The following GALNT14 variants were observed in gnomAD, a reference collection of about 807,000 sequenced individuals.
GALNT14 encodes UDP-GalNAc:polypeptide N-acetylgalactosaminyltransferase 14.
GALNT14 carries 60 observed loss-of-function variants against 77.5 expected under a neutral mutation model. The observed-to-expected ratio is 0.77, with a 90% CI of 0.63 to 0.96. GALNT14 has a LOEUF of 0.96. GALNT14 is among the 40% of genes least tolerant of loss of function. GALNT14 has a pLI of 0.00. For synonymous variants in GALNT14, 280 were observed against 281.7 expected (o/e 0.99, Z 0.06); for missense variants, 710 against 731.0 (o/e 0.97, Z 0.33).
rs112642898 is a variant in GALNT14 at position 31,053,373 on chromosome 2, G to A, written c.130-60366C>T. Among the ~76,000 whole-genome samples the A allele has an allele frequency of 6.6e-3, 1,010 of 152,148 alleles. 12 individuals are homozygous for A. Among genetic ancestry groups the A allele is most frequent in the African/African-American group, 0.022 (928 of 41,504 alleles). On this transcript the variant is annotated intron_variant, in intron 1 of 14. Transcript: ENST00000349752. Reference sequence around the variant, plus strand: ...TGCACTTACAGGTGCCAACTCACCCGCTAGCACCTGCAGCTGGGTGAACAC... The same window carrying A: ...TGCACTTACAGGTGCCAACTCACCCACTAGCACCTGCAGCTGGGTGAACAC...
At chr2:30,940,507 T>C (rs1344591403) in intron 9 of GALNT14, among the ~76,000 whole-genome samples, 3 of 152,316 alleles carry the variant, frequency 2.0e-5, no homozygotes, top group Middle Eastern at 3.4e-3. Flanking sequence ...CAACAGAATA[T>C]GCCAAACTGT....
the GALNT14 span, among the ~76,000 whole-genome samples, chr2:30,896,189 C>T: frequency 6.6e-6 from 1 of 152,346 alleles, no homozygotes; most frequent in African/African-American, 2.4e-5. Flanking sequence ...CCCTACCTAA[C>T]AAATGACCCA....
chr2:31,138,133 C>T lies in GALNT14; in HGVS notation c.-47G>A, dbSNP rs776964269. The T allele has an allele frequency of 6.7e-5, 107 of 1,606,130 alleles. No homozygotes were observed. Among genetic ancestry groups the T allele is most frequent in the Non-Finnish European group, 8.8e-5 (103 of 1,174,834 alleles). ...TCCGCGGCGCTACGTCCCGGGGGCA[C>T]CCCCCGGCGGTCAGGGTTGGCGGGG... On this transcript the variant is annotated 5_prime_UTR_variant, in exon 1 of 15. The change creates a new upstream start codon in the 5' untranslated region. Coordinates refer to ENST00000349752, the MANE Select transcript of GALNT14 (RefSeq NM_024572.4).
intron 1 of GALNT14, among the ~76,000 whole-genome samples, chr2:31,083,496 G>A (rs1420696444): frequency 6.6e-6 from 1 of 152,180 alleles, no homozygotes; most frequent in Non-Finnish European, 1.5e-5. Context: ...AGAGGAGGAG[G>A]GTGAGGAAGC....
At chr2:30,966,747 A>G (rs1668034646) in intron 2 of GALNT14, among the ~76,000 whole-genome samples, 1 of 152,134 alleles carries the variant, frequency 6.6e-6, no homozygotes, top group African/African-American at 2.4e-5. Flanking sequence ...CTGGGCTAAC[A>G]GCTTCAGGCT....
intron 1 of GALNT14, among the ~76,000 whole-genome samples, chr2:31,033,885 GA>G (rs1672559297): frequency 6.6e-6 from 1 of 152,170 alleles, no homozygotes; most frequent in Non-Finnish European, 1.5e-5. Context: ...GTCAGAAACT[GA>G]ACTCATGATG....
chr2:31,026,386 G>A (rs768468788), intron 1 of GALNT14, among the ~76,000 whole-genome samples: 85 of 152,308 alleles, frequency 5.6e-4, no homozygotes, highest in Non-Finnish European at 9.1e-4. Context: ...ATTACTTTCT[G>A]TCTCCCTTAC....
chr2:31,096,749 C>T (rs1204528346), intron 1 of GALNT14, among the ~76,000 whole-genome samples: 1 of 152,084 alleles, frequency 6.6e-6, no homozygotes, highest in African/African-American at 2.4e-5. Context: ...TAAATGAAAA[C>T]CTTTTCTGAA....
intron 4 of GALNT14, among the ~76,000 whole-genome samples, 191 bp downstream of exon 4, chr2:30,958,206 G>A (rs982664714): frequency 1.3e-4 from 20 of 152,066 alleles, no homozygotes; most frequent in Admixed American, 3.3e-4. Flanking sequence ...CAGAGAACCC[G>A]AGAAATTGTT....
At chr2:30,995,813 G>A (rs1669996904) in intron 1 of GALNT14, among the ~76,000 whole-genome samples, 2 of 152,080 alleles carry the variant, frequency 1.3e-5, no homozygotes, top group Admixed American at 1.3e-4. Context: ...AGTACTATAT[G>A]ATCTTTTATA....
At position 30,910,599 on chromosome 2, in the gene GALNT14, GA is replaced by G; in HGVS notation, c.*301del. On this transcript the variant is annotated 3_prime_UTR_variant, in exon 15 of 15. Transcript: ENST00000349752. ...CCTCCAGAGACTGCTTCCTTTGTAG[GA>G]AAAGGAACAATAAACACTTCCCATT... 3.6e-6 allele frequency: 1 copy of G among 277,428 alleles called. No homozygotes were observed. The highest frequency in any genetic ancestry group is 6.7e-6 in the Non-Finnish European group (1 of 149,376). 17.2% of individuals were successfully genotyped at this position (277,428 alleles called of 1,614,324 possible). A position where few individuals can be genotyped will look rare whatever the true frequency, so the allele number is the denominator to read the frequency against.
chr2:31,021,314 A>AT (rs373028817), intron 1 of GALNT14, among the ~76,000 whole-genome samples: 5 of 150,624 alleles, frequency 3.3e-5, no homozygotes, highest in African/African-American at 1.2e-4. Context: ...TTTTATTTTT[A>AT]TTTTTTTGCG....
chr2:30,915,818 GGTAAGTTAAAT>G (rs1233708746), intron 13 of GALNT14, among the ~76,000 whole-genome samples: 1 of 152,124 alleles, frequency 6.6e-6, no homozygotes, highest in Non-Finnish European at 1.5e-5. Flanking sequence ...TGACTGAGTG[GGTAAGTTAAAT>G]GTTAAAGGCT....
intron 2 of GALNT14, among the ~76,000 whole-genome samples, chr2:30,988,602 G>C (rs559681832): frequency 1.1e-4 from 17 of 151,968 alleles, no homozygotes; most frequent in African/African-American, 3.9e-4. Flanking sequence ...CTTATTGCAG[G>C]GCCTCTACTC....
intron 13 of GALNT14, among the ~76,000 whole-genome samples, chr2:30,913,761 CAGAAAGTACTCCCTGGGG>C (rs898425212): frequency 3.9e-5 from 6 of 152,172 alleles, no homozygotes; most frequent in African/African-American, 1.4e-4. Flanking sequence ...AGACCTAGAT[CAGAAAGTACTCCCTGGGG>C]AGAGATGCAA....
intron 6 of GALNT14, 82 bp from the exon 7 acceptor site, chr2:30,945,952 T>C (rs1011894898): frequency 1.8e-6 from 2 of 1,141,012 alleles, no homozygotes; most frequent in East Asian, 2.4e-5. Flanking sequence ...CTCGTGAGGG[T>C]AGGGCCAGAG....
chr2:30,949,317 G>A (rs1228162331), intron 6 of GALNT14, among the ~76,000 whole-genome samples: 3 of 152,154 alleles, frequency 2.0e-5, no homozygotes. Context: ...CTGCTAGCAA[G>A]CAGGTGGGTC....
At chr2:30,945,014 G>A in intron 7 of GALNT14, 72 bp from the exon 8 acceptor site, 2 of 1,327,476 alleles carry the variant, frequency 1.5e-6, no homozygotes, top group Non-Finnish European at 2.1e-6. Context: ...CTCTCCAGAA[G>A]GTCATGAATG....
At chr2:31,129,210 A>G (rs778514492) in intron 1 of GALNT14, 3 of 261,184 alleles carry the variant, frequency 1.1e-5, no homozygotes, top group Non-Finnish European at 1.2e-5. Context: ...AGCTTGCCCA[A>G]GTCCCTACCC....
Sources: gnomAD v4.1 joint callset for allele counts (sites outside exome capture counted in the v4.1 genomes callset) on GRCh38, gnomAD v4.1.1 for gene constraint, MANE v1.5 for transcripts, NCBI Gene and HGNC (gene_info 2026-07-23, HGNC 2026-07-21) for gene names.